AHDC1: variants seen among roughly 807,000 people sequenced by gnomAD.
AHDC1 encodes the protein AT-hook DNA binding motif containing 1.
AHDC1 carries 7 observed loss-of-function variants against 87.9 expected under a neutral mutation model. That is an observed-to-expected ratio of 0.08 (90% CI 0.05 to 0.15). The LOEUF (loss-of-function observed/expected upper bound fraction) is 0.15, where lower values mean the gene tolerates loss of function less well. Among genes scored for constraint, AHDC1 ranks in the 10% least tolerant of loss-of-function variants. AHDC1 has a pLI of 1.00. For synonymous variants in AHDC1, 1,051 were observed against 1,006.8 expected, an observed-to-expected ratio of 1.04 and a Z score of -0.83; for missense variants, 1,841 against 2,253.2, an observed-to-expected ratio of 0.82 and a Z score of 3.70.
intron 3 of AHDC1, among the ~76,000 whole-genome samples, chr1:27,579,816 T>A (rs1476398240): frequency 1.3e-5 from 2 of 152,246 alleles, no homozygotes; most frequent in African/African-American, 2.4e-5. Flanking sequence ...TTACAAAGTC[T>A]AAAATTTTTA....
chr1:27,575,679 G>A (rs2088704769), intron 3 of AHDC1, among the ~76,000 whole-genome samples: 1 of 151,560 alleles, frequency 6.6e-6, no homozygotes, highest in Non-Finnish European at 1.5e-5. Context: ...GCCCGCCCTC[G>A]GCCCCCACCC....
In AHDC1 at chr1:27,562,373, C is replaced by T. The variant is rs567069476; in HGVS notation, c.-628-3490G>A. Among the ~76,000 whole-genome samples, 296 of 152,250 alleles carry T rather than the reference C, an allele frequency of 1.9e-3. 1 individual carries two copies. Among genetic ancestry groups the T allele is most frequent in the Non-Finnish European group, 3.5e-3 (241 of 67,992 alleles). On this transcript the variant is annotated intron_variant, in intron 3 of 8. Coordinates refer to ENST00000673934, the MANE Select transcript of AHDC1 (RefSeq NM_001371928.1). This position sits in a 1 kb window ranked among gnomAD's most constrained non-coding sequence, Gnocchi z 4.4. ...TGAGCTCCCGGCCCGCGCAGAGCTG[C>T]CCCGATTAATCCTGTGGCTCCAGAG...
chr1:27,552,451 T>A, intron 7 of AHDC1: 1 of 251,102 alleles, frequency 4.0e-6, no homozygotes, highest in Non-Finnish European at 7.4e-6. Context: ...CAGGCTAGAG[T>A]GAAGCAGCGT....
intron 8 of AHDC1, among the ~76,000 whole-genome samples, chr1:27,540,046 G>T (rs891402866): frequency 6.6e-6 from 1 of 152,198 alleles, no homozygotes; most frequent in Non-Finnish European, 1.5e-5. Flanking sequence ...TGATGGGTTT[G>T]TGTCGGACAT....
intron 3 of AHDC1, among the ~76,000 whole-genome samples, chr1:27,584,142 C>T (rs1315461761): frequency 6.6e-6 from 1 of 152,170 alleles, no homozygotes; most frequent in Non-Finnish European, 1.5e-5. Context: ...AAATCAAGGC[C>T]CAGAGAGGGA....
chr1:27,601,096 C>T (rs2089518185), intron 3 of AHDC1, among the ~76,000 whole-genome samples: 1 of 152,192 alleles, frequency 6.6e-6, no homozygotes, highest in Non-Finnish European at 1.5e-5. Context: ...TTCTCCAAGC[C>T]CAACAGCTCC....
At chr1:27,594,040 C>T (rs954555633) in intron 3 of AHDC1, among the ~76,000 whole-genome samples, 7 of 152,176 alleles carry the variant, frequency 4.6e-5, no homozygotes, top group Non-Finnish European at 2.9e-5. Context: ...GCCCCCCTAT[C>T]TCCCCAGTCC....
chr1:27,541,009 A>AG (rs2018883481), intron 8 of AHDC1, among the ~76,000 whole-genome samples: 1 of 149,678 alleles, frequency 6.7e-6, no homozygotes, highest in African/African-American at 2.4e-5. Context: ...GCTAAAAAAA[A>AG]AAAAAAAAAA....
chr1:27,546,542 G>A (rs1474062183), intron 8 of AHDC1, among the ~76,000 whole-genome samples: 4 of 152,220 alleles, frequency 2.6e-5, no homozygotes, highest in African/African-American at 9.7e-5. Context: ...GGTTTGCAGG[G>A]ACAGTGGGAC....
rs1444728315 is a variant in AHDC1 at position 27,548,961 on chromosome 1, G to A, written c.3155C>T (p.Thr1052Met). 2.4e-5 allele frequency: 38 copies of A among 1,572,546 alleles called. No homozygotes were observed. The highest frequency in any genetic ancestry group is 2.6e-5 in the Non-Finnish European group (30 of 1,157,530). Residue 1052 changes from threonine (T) to methionine (M), a missense_variant, in exon 8 of 9, where the codon ACG becomes ATG. Physicochemically the swap from Thr to Met is moderately conservative, Grantham distance 81. Coordinates refer to ENST00000673934, the MANE Select transcript of AHDC1 (RefSeq NM_001371928.1). ...GGCCCGGCTGTCACAGCGCAGGGGC[G>A]TGGGGGCTGAACCAGAGAAGGGGGC... is the stretch of plus-strand genomic sequence containing the variant. ...EGAPFSGSAP[T>M]PLRCDSRAST... is the part of the protein sequence containing the mutation.
intron 8 of AHDC1, among the ~76,000 whole-genome samples, chr1:27,545,977 G>A (rs1216806007): frequency 1.3e-5 from 2 of 152,100 alleles, no homozygotes; most frequent in African/African-American, 4.8e-5. Context: ...GGGGAGCTGG[G>A]GTCTGGCAGA....
rs376499254 is a variant in AHDC1 at position 27,560,893 on chromosome 1, C to T, written c.-628-2010G>A. 1.1e-4 allele frequency among the ~76,000 whole-genome samples: 16 copies of T among 151,742 alleles called. No homozygotes were observed. Among genetic ancestry groups the T allele is most frequent in the Non-Finnish European group, 1.8e-4 (12 of 67,890 alleles). ...TGCATGTGAGATACCCTTTGTGAGA[C>T]GGTGTGTGTGTGTCTGTGTCACTGT... On this transcript the variant is annotated intron_variant, in intron 3 of 8. Transcript: ENST00000673934. The surrounding 1 kb of genome is among the most constrained non-coding windows in gnomAD (Gnocchi z 4.1).
At chr1:27,571,609 G>GA (rs983150722) in intron 3 of AHDC1, among the ~76,000 whole-genome samples, 3 of 152,054 alleles carry the variant, frequency 2.0e-5, no homozygotes, top group African/African-American at 7.2e-5. Flanking sequence ...ACCAGCCAAG[G>GA]AGGGGGGGGT....
rs2020275803 is a variant in AHDC1 at position 27,565,436 on chromosome 1, G to A, written c.-628-6553C>T. On this transcript the variant is annotated intron_variant, in intron 3 of 8. Transcript: ENST00000673934. The surrounding 1 kb of genome is among the most constrained non-coding windows in gnomAD (Gnocchi z 4.6). ...CAGAGGCCACTGCCCAGACTGGGAG[G>A]GCGGGCCAGACAGCAGGGGCTGCCA... Among the ~76,000 whole-genome samples, 2 of 152,200 alleles carry A rather than the reference G, an allele frequency of 1.3e-5. No homozygotes were observed. Among genetic ancestry groups the A allele is most frequent in the Non-Finnish European group, 2.9e-5 (2 of 68,020 alleles).
In AHDC1 at chr1:27,551,163, T is replaced by C. The variant is rs771823895; in HGVS notation, c.953A>G (p.Asp318Gly). Reference sequence around the variant, plus strand: ...CGACTCCAAGGAGTCAGGCAGGGTGTCCAGGGCCTGGAGAGCCAGGCCCGG... The same window carrying C: ...CGACTCCAAGGAGTCAGGCAGGGTGCCCAGGGCCTGGAGAGCCAGGCCCGG... ...GLPGLALQAL[D>G]TLPDSLESQL... The change falls in exon 8 of 9, where the codon GAC becomes GGC. Residue 318 changes from aspartate (D) to glycine (G), a missense_variant. Asp to Gly is a moderately conservative substitution (Grantham distance 94, BLOSUM62 -1). Coordinates refer to ENST00000673934, the MANE Select transcript of AHDC1 (RefSeq NM_001371928.1). 1.9e-6 allele frequency: 3 copies of C among 1,608,332 alleles called. No homozygotes were observed. The highest frequency in any genetic ancestry group is 2.7e-5 in the African/African-American group (2 of 74,766).
At chr1:27,583,677 T>G (rs894835587) in intron 3 of AHDC1, among the ~76,000 whole-genome samples, 2 of 152,174 alleles carry the variant, frequency 1.3e-5, no homozygotes, top group African/African-American at 4.8e-5. Flanking sequence ...ACTAATAGTG[T>G]GGCTTTTGAG....
rs1340110820 is a variant in AHDC1, at chr1:27,534,607, G to A, written c.*353C>T. ...TACTTGCAGGGGCTCTGGACACCTC[G>A]GGGCCCCGCTCGCAACCTCTTGCAC... On this transcript the variant is annotated 3_prime_UTR_variant, in exon 9 of 9. Transcript: ENST00000673934. 2.0e-5 allele frequency: 3 copies of A among 151,172 alleles called. No individual in the cohort carries two copies. Among genetic ancestry groups the A allele is most frequent in the Non-Finnish European group, 4.4e-5 (3 of 67,856 alleles). 9.4% of individuals were successfully genotyped at this position (151,172 alleles called of 1,614,324 possible).
At chr1:27,581,616 A>G (rs1403451947) in intron 3 of AHDC1, among the ~76,000 whole-genome samples, 2 of 152,050 alleles carry the variant, frequency 1.3e-5, no homozygotes, top group Non-Finnish European at 2.9e-5. Context: ...TGTCTCACCT[A>G]CTTGGCCATG....
At chr1:27,559,072 G>A (rs762866175) in intron 3 of AHDC1, among the ~76,000 whole-genome samples, 189 bp from the exon 4 acceptor site, 2 of 152,054 alleles carry the variant, frequency 1.3e-5, no homozygotes, top group Non-Finnish European at 2.9e-5. Context: ...AGAGAGACAG[G>A]GCCTCATCTC....
Sources: gnomAD v4.1 joint callset for allele counts (sites outside exome capture counted in the v4.1 genomes callset) on GRCh38, gnomAD v4.1.1 for gene constraint, Gnocchi (gnomAD v3.1) non-coding constraint, MANE v1.5 for transcripts, NCBI Gene and HGNC (gene_info 2026-07-23, HGNC 2026-07-21) for gene names.